SLC22A15: variants seen among roughly 807,000 people sequenced by gnomAD.
SLC22A15 encodes flipt 1.
A neutral mutation model predicts 62.7 loss-of-function variants in SLC22A15; 45 were observed. The observed-to-expected ratio is 0.72, with a 90% CI of 0.56 to 0.92. The LOEUF (loss-of-function observed/expected upper bound fraction) is 0.92, where lower values mean the gene tolerates loss of function less well. SLC22A15 is among the 40% of genes least tolerant of loss of function. SLC22A15 has a pLI of 0.00. For missense variants in SLC22A15, 622 were observed against 665.6 expected (o/e 0.93, Z 0.72); for synonymous variants, 264 against 267.0 (o/e 0.99, Z 0.11).
intron 8 of SLC22A15, among the ~76,000 whole-genome samples, chr1:116,059,874 A>C (rs947341462): frequency 1.3e-5 from 2 of 152,252 alleles, no homozygotes; most frequent in Non-Finnish European, 2.9e-5. Context: ...ACCTTCCAGA[A>C]AAATAGTTCT....
At position 116,062,808 on chromosome 1, in the gene SLC22A15, G is replaced by A. The variant is rs777276410; in HGVS notation, c.1218G>A (p.Leu406=). The part of the protein sequence containing the change: ...AVVNSHSLSL[L]GKLTISAAFN... ...TGAACAGCCATTCCTTGTCCTTGCT[G>A]GGGAAGCTGACCATCAGTGCTGCCT... is the stretch of plus-strand genomic sequence containing the variant. Residue 406 remains leucine (L), a synonymous_variant, in exon 9 of 12, where the codon CTG becomes CTA. Coordinates refer to ENST00000369503, the MANE Select transcript of SLC22A15 (RefSeq NM_018420.3). 4 of 1,613,888 alleles carry A rather than the reference G, an allele frequency of 2.5e-6. No homozygotes were observed. Among genetic ancestry groups the A allele is most frequent in the South Asian group, 2.2e-5 (2 of 91,074 alleles).
rs776455309 is a variant in SLC22A15, at chr1:116,062,921, C to T, written c.1292+39C>T. 6.8e-6 allele frequency: 11 copies of T among 1,606,428 alleles called. No homozygotes were observed. The East Asian group carries it at 1.1e-4, about 16-fold the overall frequency. The stretch of plus-strand genomic sequence containing the variant: ...ACAGCCTCATTCTTCACACATTCTA[C>T]ACTTTGTCATCCATTCTTGCACCAA... On this transcript the variant is annotated intron_variant, in intron 9 of 11. Transcript: ENST00000369503.
intron 8 of SLC22A15, among the ~76,000 whole-genome samples, chr1:116,040,933 G>C (rs766134798): frequency 1.3e-5 from 2 of 152,178 alleles, no homozygotes; most frequent in Non-Finnish European, 2.9e-5. Flanking sequence ...CAAAGTATTC[G>C]TTGTAAATAA....
At chr1:116,004,139 G>A (rs183556056) in intron 2 of SLC22A15, among the ~76,000 whole-genome samples, 248 of 152,314 alleles carry the variant, frequency 1.6e-3, no homozygotes, top group African/African-American at 5.8e-3. Context: ...TAGTTGGTCA[G>A]AGAGACAGAT....
At chr1:116,012,758 T>A (rs1656335646) in intron 2 of SLC22A15, among the ~76,000 whole-genome samples, 1 of 152,234 alleles carries the variant, frequency 6.6e-6, no homozygotes. Flanking sequence ...TGGCTTGACA[T>A]ATGATTTGTT....
At chr1:116,049,577 A>C (rs1321059139) in intron 8 of SLC22A15, among the ~76,000 whole-genome samples, 1 of 152,144 alleles carries the variant, frequency 6.6e-6, no homozygotes, top group Non-Finnish European at 1.5e-5. Flanking sequence ...AACCTATCAA[A>C]ACCTCTGTGA....
intron 2 of SLC22A15, among the ~76,000 whole-genome samples, chr1:115,999,594 C>T (rs903827170): frequency 6.6e-6 from 1 of 151,586 alleles, no homozygotes; most frequent in Non-Finnish European, 1.5e-5. Flanking sequence ...ACCTCCACCT[C>T]CTGGGTTCAA....
At chr1:116,031,628 C>T (rs775086312) in intron 6 of SLC22A15, 47 bp downstream of exon 6, 48 of 1,603,498 alleles carry the variant, frequency 3.0e-5, no homozygotes, top group Non-Finnish European at 3.7e-5. Flanking sequence ...TAAGGTTGCT[C>T]GAGCTTCTCT....
intron 9 of SLC22A15, among the ~76,000 whole-genome samples, chr1:116,063,829 C>G (rs950308877): frequency 6.6e-6 from 1 of 152,106 alleles, no homozygotes; most frequent in Non-Finnish European, 1.5e-5. Context: ...TTATCATTCT[C>G]TCTCCCTCCC....
Position 116,035,257 on chromosome 1 carries a change from A to C in SLC22A15, c.1015A>C (p.Asn339His), listed in dbSNP as rs768030168. 6.2e-7 allele frequency: 1 copy of C among 1,613,454 alleles called. No individual in the cohort carries two copies. Among genetic ancestry groups the C allele is most frequent in the South Asian group, 1.1e-5 (1 of 91,026 alleles). The change falls in exon 7 of 12, where the codon AAC becomes CAC. Residue 339 changes from asparagine to histidine, a missense_variant. Asn to His is a moderately conservative substitution (Grantham distance 68). Coordinates refer to ENST00000369503, the MANE Select transcript of SLC22A15 (RefSeq NM_018420.3). The stretch of plus-strand genomic sequence containing the variant: ...TGATCTAGGTGGAAGTATTTATGCC[A>C]ACCTGGCCCTGTCTGGCCTCATAGA... ...AGDLGGSIYA[N>H]LALSGLIEIP...
At chr1:116,050,619 C>A (rs960404289) in intron 8 of SLC22A15, among the ~76,000 whole-genome samples, 16 of 152,258 alleles carry the variant, frequency 1.1e-4, no homozygotes, top group African/African-American at 3.6e-4. Context: ...CCACAGCCAA[C>A]ATAATACTGA....
intron 6 of SLC22A15, 24 bp downstream of exon 6, chr1:116,031,605 G>C: frequency 6.2e-7 from 1 of 1,610,842 alleles, no homozygotes; most frequent in Non-Finnish European, 8.5e-7. Context: ...GGCGTGTTCT[G>C]TTGCTCTTTA....
chr1:115,998,546 T>C (rs1655539272), intron 2 of SLC22A15, among the ~76,000 whole-genome samples: 1 of 152,168 alleles, frequency 6.6e-6, no homozygotes, highest in Non-Finnish European at 1.5e-5. Flanking sequence ...AATTTATGCA[T>C]TTCTTCTAGG....
chr1:116,063,911 C>T (rs898466176), intron 9 of SLC22A15, among the ~76,000 whole-genome samples: 7 of 152,090 alleles, frequency 4.6e-5, no homozygotes, highest in East Asian at 1.9e-4. Context: ...TGACAGTACA[C>T]GCTTAGTCAA....
intron 6 of SLC22A15, chr1:116,031,972 T>C: frequency 1.9e-6 from 2 of 1,068,412 alleles, no homozygotes; most frequent in African/African-American, 3.4e-5. Flanking sequence ...CCTTTGGCAC[T>C]GGCATCAAGC....
At chr1:115,981,350 C>G (rs772683581) in intron 1 of SLC22A15, among the ~76,000 whole-genome samples, 2 of 152,228 alleles carry the variant, frequency 1.3e-5, no homozygotes, top group Non-Finnish European at 2.9e-5. Context: ...GGCTCTCTGT[C>G]AGTTTGAGCA....
At chr1:116,023,925 C>T (rs913424895) in intron 4 of SLC22A15, among the ~76,000 whole-genome samples, 2 of 152,160 alleles carry the variant, frequency 1.3e-5, no homozygotes, top group African/African-American at 2.4e-5. Flanking sequence ...GTTTTGAAAA[C>T]GTTCTCATGA....
chr1:116,060,633 G>C (rs527881356), intron 8 of SLC22A15, among the ~76,000 whole-genome samples: 2 of 152,242 alleles, frequency 1.3e-5, no homozygotes, highest in African/African-American at 4.8e-5. Context: ...ATTTCTGTTT[G>C]GTTCAATGCC....
intron 4 of SLC22A15, among the ~76,000 whole-genome samples, chr1:116,024,366 A>T (rs1367698219): frequency 1.3e-5 from 2 of 152,202 alleles, no homozygotes; most frequent in East Asian, 3.8e-4. Context: ...ACTCTTTTCT[A>T]ACCTGCTGAA....
Sources: allele counts gnomAD v4.1 joint callset (sites outside exome capture counted in the v4.1 genomes callset), GRCh38; gene constraint gnomAD v4.1.1; transcripts MANE v1.5; gene names NCBI Gene and HGNC (gene_info 2026-07-23, HGNC 2026-07-21).